The following IL26 variants were observed in gnomAD, a reference collection of about 807,000 sequenced individuals.
The protein encoded by IL26 is interleukin 26.
IL26 carries 23 observed loss-of-function variants against 21.7 expected under a neutral mutation model. The observed-to-expected ratio is 1.06, with a 90% CI of 0.76 to 1.50. The LOEUF (loss-of-function observed/expected upper bound fraction) is 1.50, where lower values mean the gene tolerates loss of function less well. Among genes scored for constraint, IL26 ranks in the 40% most tolerant of loss-of-function variants. The probability of loss-of-function intolerance (pLI) is 0.00; values close to 1 mark genes in which losing one functional copy is unlikely to be tolerated. For synonymous variants in IL26, 63 were observed against 67.8 expected (o/e 0.93, Z 0.34); for missense variants, 204 against 196.0 (o/e 1.04, Z -0.24).
At chr12:68,208,761 A>G (rs1868617826) in intron 3 of IL26, among the ~76,000 whole-genome samples, 1 of 152,218 alleles carries the variant, frequency 6.6e-6, no homozygotes, top group East Asian at 1.9e-4. Flanking sequence ...TCTGCCTCCC[A>G]AAGTGCTCGG....
chr12:68,220,664 T>C (rs1218827461), intron 3 of IL26, among the ~76,000 whole-genome samples: 2 of 152,258 alleles, frequency 1.3e-5, no homozygotes, highest in Non-Finnish European at 2.9e-5. Context: ...GAAGGTGTCA[T>C]AGATATCTGT....
At chr12:68,223,883 G>GTTTTTTT (rs201652400) in intron 3 of IL26, among the ~76,000 whole-genome samples, 1 of 81,916 alleles carries the variant, frequency 1.2e-5, no homozygotes, top group African/African-American at 3.5e-5. Flanking sequence ...TAAATTTGGT[G>GTTTTTTT]GTTTTTTTTT....
intron 3 of IL26, among the ~76,000 whole-genome samples, chr12:68,214,016 GC>G (rs1231752615): frequency 1.4e-4 from 22 of 152,134 alleles, no homozygotes; most frequent in Middle Eastern, 3.4e-3. Context: ...TCTTAGGACT[GC>G]TTTTGCTGTA....
At chr12:68,212,954 A>G (rs1009878540) in intron 3 of IL26, among the ~76,000 whole-genome samples, 2 of 152,102 alleles carry the variant, frequency 1.3e-5, no homozygotes, top group African/African-American at 2.4e-5. Context: ...AAAGTGGTCA[A>G]ACTTGTCCTG....
chr12:68,208,433 C>T (rs1485394921), intron 3 of IL26, among the ~76,000 whole-genome samples: 2 of 152,204 alleles, frequency 1.3e-5, no homozygotes, highest in Non-Finnish European at 1.5e-5. Context: ...GCTCCCTTTG[C>T]AGCACCAATC....
In IL26 at chr12:68,202,050, A is replaced by G. The variant is rs368646100; in HGVS notation, c.397T>C (p.Ser133Pro). 8 of 1,587,668 alleles carry G rather than the reference A, an allele frequency of 5.0e-6. No homozygotes were observed. In the African/African-American group the frequency reaches 1.1e-4, roughly 21 times the overall value. The change falls in exon 4 of 5, where the codon TCC (serine) becomes CCC (proline). Residue 133 changes from serine (S) to proline (P), a missense_variant. Physicochemically the swap from Ser to Pro is moderately conservative, Grantham distance 74. Coordinates refer to ENST00000229134, the MANE Select transcript of IL26 (RefSeq NM_018402.2). ...AATATTCTTTTCATCCTGGTAATGG[A>G]TTTCATCTCTCTAGCTGATGAAGCA... ...SCASSAREMK[S>P]ITRMKRIFYR... is the part of the protein sequence containing the mutation.
rs111462889 is a variant in IL26, at chr12:68,209,998, A to G, written c.364-7915T>C. On this transcript the variant is annotated intron_variant, in intron 3 of 4. Coordinates refer to ENST00000229134, the MANE Select transcript of IL26 (RefSeq NM_018402.2). ...TCAATATACAACTTCAGACTGGATC[A>G]TAACCACCCTTCTTGTTGTTTTTTG... Among the ~76,000 whole-genome samples, 524 of 152,270 alleles carry G rather than the reference A, an allele frequency of 3.4e-3. 4 individuals are homozygous for G. Among genetic ancestry groups the G allele is most frequent in the African/African-American group, 0.012 (497 of 41,552 alleles).
At chr12:68,218,253 T>C (rs966066948) in intron 3 of IL26, among the ~76,000 whole-genome samples, 1 of 152,124 alleles carries the variant, frequency 6.6e-6, no homozygotes, top group South Asian at 2.1e-4. Flanking sequence ...AATCAATCAA[T>C]TGAAACCAAC....
At chr12:68,205,893 T>C (rs1868528556) in intron 3 of IL26, among the ~76,000 whole-genome samples, 1 of 152,218 alleles carries the variant, frequency 6.6e-6, no homozygotes. Flanking sequence ...CTGGGATTGC[T>C]TCTTCTATGT....
At chr12:68,215,608 C>T (rs906663306) in intron 3 of IL26, among the ~76,000 whole-genome samples, 1 of 152,058 alleles carries the variant, frequency 6.6e-6, no homozygotes, top group East Asian at 1.9e-4. Flanking sequence ...GTCAGCAAAA[C>T]AATTCAATAA....
chr12:68,215,142 A>G (rs1395835275), intron 3 of IL26, among the ~76,000 whole-genome samples: 1 of 152,182 alleles, frequency 6.6e-6, no homozygotes, highest in Non-Finnish European at 1.5e-5. Flanking sequence ...AAAAACTTTT[A>G]AAAACTATAC....
chr12:68,201,710 C>A lies in IL26; in HGVS notation c.*135G>T. On this transcript the variant is annotated 3_prime_UTR_variant, in exon 5 of 5. Transcript: ENST00000229134. Reference sequence around the variant, plus strand: ...CGTTAATTTACTAAATCCTTCTTGTCTATTCTGAATCACCTAACATGCCGT... The same window carrying A: ...CGTTAATTTACTAAATCCTTCTTGTATATTCTGAATCACCTAACATGCCGT... 1.9e-6 allele frequency: 1 copy of A among 518,758 alleles called. No homozygotes were observed. The highest frequency in any genetic ancestry group is 3.4e-6 in the Non-Finnish European group (1 of 298,304). 32.1% of individuals were successfully genotyped at this position (518,758 alleles called of 1,614,324 possible).
chr12:68,219,883 C>T (rs1868999194), intron 3 of IL26, among the ~76,000 whole-genome samples: 1 of 151,944 alleles, frequency 6.6e-6, no homozygotes, highest in Admixed American at 6.6e-5. Flanking sequence ...AGAGAAGTGA[C>T]ATCATCCTGT....
chr12:68,220,440 A>C lies in IL26; in HGVS notation c.363+4709T>G, dbSNP rs11571000. On this transcript the variant is annotated intron_variant, in intron 3 of 4. Transcript: ENST00000229134. ...TGTTTCAATTGTCCAAAAATTAAAA[A>C]TCATACAATCCTGTCAATAGATGTG... is the stretch of plus-strand genomic sequence containing the variant. 2.3e-3 allele frequency among the ~76,000 whole-genome samples: 347 copies of C among 152,346 alleles called. 1 individual carries two copies. Among genetic ancestry groups the C allele is most frequent in the African/African-American group, 7.8e-3 (325 of 41,574 alleles).
At chr12:68,209,695 A>G (rs192692691) in intron 3 of IL26, among the ~76,000 whole-genome samples, 7 of 152,198 alleles carry the variant, frequency 4.6e-5, no homozygotes, top group African/African-American at 1.7e-4. Flanking sequence ...CTTTTACATT[A>G]TATCAGACAT....
In IL26 at chr12:68,201,928, C is replaced by T. The variant is rs1256592180; in HGVS notation, c.433G>A (p.Gly145Arg). The T allele has an allele frequency of 2.5e-6, 4 of 1,595,290 alleles. No individual in the cohort carries two copies. The highest frequency in any genetic ancestry group is 1.8e-5 in the Admixed American group (1 of 56,426). Residue 145 changes from glycine (G) to arginine (R), a missense_variant, in exon 5 of 5, where the codon GGA becomes AGA. Physicochemically the swap from Gly to Arg is moderately radical, Grantham distance 125 (BLOSUM62 -2). Transcript: ENST00000229134. ...ATGGCTTTGTAGATTCCTTTGTTTC[C>T]AATCTGCAGATAAAGTACAGATATA... ...TRMKRIFYRI[G>R]NKGIYKAISE...
At chr12:68,212,187 T>C (rs994642429) in intron 3 of IL26, among the ~76,000 whole-genome samples, 1 of 152,206 alleles carries the variant, frequency 6.6e-6, no homozygotes, top group Non-Finnish European at 1.5e-5. Flanking sequence ...ATGAGTTGGC[T>C]GTAAATGTAT....
At chr12:68,204,141 A>ATTTT (rs6144754) in intron 3 of IL26, among the ~76,000 whole-genome samples, 33 of 113,192 alleles carry the variant, frequency 2.9e-4, no homozygotes, top group African/African-American at 4.5e-4. Context: ...GGATTCAAAG[A>ATTTT]TTTTTTTTTT....
rs540693081 is a variant in IL26, at chr12:68,210,338, C to CAAAAAAAAAAAAAAAAAAAAAAAA, written c.364-8279_364-8256dup. Among the ~76,000 whole-genome samples the CAAAAAAAAAAAAAAAAAAAAAAAA allele has an allele frequency of 2.3e-4, 5 of 22,096 alleles. 1 individual carries two copies. Among genetic ancestry groups the CAAAAAAAAAAAAAAAAAAAAAAAA allele is most frequent in the Non-Finnish European group, 4.1e-4 (4 of 9,866 alleles). 14.5% of individuals were successfully genotyped at this position (22,096 alleles called of 152,430 possible). ...ACTAAATAAATAAATATCAGTTTGGCAAAAAAAAAAAAAAAAAAAAAAAAA... is the reference window on the plus strand; with the variant it reads ...ACTAAATAAATAAATATCAGTTTGGCAAAAAAAAAAAAAAAAAAAAAAAAAAAAAAAAAAAAAAAAAAAAAAAAA... On this transcript the variant is annotated intron_variant, in intron 3 of 4. Transcript: ENST00000229134.
Sources: allele counts gnomAD v4.1 joint callset (sites outside exome capture counted in the v4.1 genomes callset), GRCh38; gene constraint gnomAD v4.1.1; transcripts MANE v1.5; gene names NCBI Gene and HGNC (gene_info 2026-07-23, HGNC 2026-07-21).